AKAP6: variants seen among roughly 807,000 people sequenced by gnomAD.
AKAP6 encodes A-kinase anchor protein 6.
A neutral mutation model predicts 188.5 loss-of-function variants in AKAP6; 58 were observed. The ratio of observed to expected loss-of-function variants is 0.31; its 90% CI spans 0.25 to 0.38. AKAP6 has a LOEUF of 0.38. Among genes scored for constraint, AKAP6 ranks in the 10% least tolerant of loss-of-function variants. The pLI is 1.00. For missense variants in AKAP6, 2,710 were observed against 2,740.0 expected (o/e 0.99, Z 0.24); for synonymous variants, 989 against 998.6 (o/e 0.99, Z 0.18).
At chr14:32,492,380 A>AGG (rs1880079092) in intron 2 of AKAP6, among the ~76,000 whole-genome samples, 1 of 146,634 alleles carries the variant, frequency 6.8e-6, no homozygotes, top group Non-Finnish European at 1.5e-5. Context: ...AGAGAGAGAG[A>AGG]GAGGCATTTG....
intron 2 of AKAP6, among the ~76,000 whole-genome samples, chr14:32,487,673 A>T (rs1316639037): frequency 2.6e-5 from 4 of 152,034 alleles, no homozygotes; most frequent in Admixed American, 6.5e-5. Flanking sequence ...CCTCATCTTC[A>T]TGGATTTATC....
At chr14:32,350,811 A>T (rs1410699311) in intron 1 of AKAP6, among the ~76,000 whole-genome samples, 1 of 152,122 alleles carries the variant, frequency 6.6e-6, no homozygotes, top group African/African-American at 2.4e-5. Flanking sequence ...TTAACAGGGT[A>T]ATACAGATTT....
rs756102728 is a variant in AKAP6, at chr14:32,545,993, A to G, written c.1340A>G (p.Asn447Ser). The G allele has an allele frequency of 1.2e-6, 2 of 1,614,118 alleles. No individual in the cohort carries two copies. Among genetic ancestry groups the G allele is most frequent in the Middle Eastern group, 1.6e-4 (1 of 6,062 alleles). The part of the protein sequence containing the change: ...LCLVLQSSYP[N>S]SPSAASQSYE... ...CTGGTATTGCAGTCTTCTTACCCCA[A>G]CAGCCCTTCTGCTGCCAGCCAGTCT... Residue 447 changes from asparagine (N) to serine (S), a missense_variant, in exon 4 of 14, where the codon AAC becomes AGC. Transcript: ENST00000280979.
chr14:32,620,346 C>T (rs571437610), intron 7 of AKAP6, among the ~76,000 whole-genome samples: 1 of 152,076 alleles, frequency 6.6e-6, no homozygotes, highest in East Asian at 1.9e-4. Flanking sequence ...TCCTTCTATG[C>T]CTAGTTTGTT....
intron 2 of AKAP6, among the ~76,000 whole-genome samples, chr14:32,496,512 TAA>T (rs2138965996): frequency 1.3e-5 from 2 of 152,112 alleles, no homozygotes; most frequent in South Asian, 2.1e-4. Context: ...TATTGGATGT[TAA>T]ATTGTGCCTT....
intron 5 of AKAP6, among the ~76,000 whole-genome samples, chr14:32,581,818 C>A (rs1488756475): frequency 3.3e-5 from 5 of 151,914 alleles, no homozygotes; most frequent in African/African-American, 9.7e-5. Flanking sequence ...GATTGCAATC[C>A]CTGCCTTTTT....
chr14:32,581,761 T>C (rs1400863547), intron 5 of AKAP6, among the ~76,000 whole-genome samples: 1 of 152,204 alleles, frequency 6.6e-6, no homozygotes, highest in Non-Finnish European at 1.5e-5. Flanking sequence ...GCCTTCTTTG[T>C]CTCTTTTGAT....
intron 1 of AKAP6, among the ~76,000 whole-genome samples, chr14:32,414,144 G>A (rs1889580305): frequency 6.6e-6 from 1 of 151,926 alleles, no homozygotes; most frequent in Admixed American, 6.6e-5. Flanking sequence ...GGACTGCTGA[G>A]GTCAAAGGTT....
intron 5 of AKAP6, among the ~76,000 whole-genome samples, chr14:32,587,043 T>C (rs1594764925): frequency 6.6e-6 from 1 of 152,248 alleles, no homozygotes; most frequent in Non-Finnish European, 1.5e-5. Context: ...TATCAGAGTA[T>C]GTTATTACAT....
chr14:32,363,256 T>C lies in AKAP6; in HGVS notation c.-35+33848T>C, dbSNP rs75365880. Among the ~76,000 whole-genome samples, 508 of 152,242 alleles carry C rather than the reference T, an allele frequency of 3.3e-3. 27 individuals are homozygous for C. The East Asian group carries it at 0.093, about 28-fold the overall frequency. Reference sequence around the variant, plus strand: ...CTGTGGGAACATGGGAAAACAAGCATTTAAGTCTACCAGAGGGAGTAGAGG... The same window carrying C: ...CTGTGGGAACATGGGAAAACAAGCACTTAAGTCTACCAGAGGGAGTAGAGG... On this transcript the variant is annotated intron_variant, in intron 1 of 13. Coordinates refer to ENST00000280979, the MANE Select transcript of AKAP6 (RefSeq NM_004274.5).
chr14:32,821,404 G>A lies in AKAP6; in HGVS notation c.3591G>A (p.Glu1197=). ...RLQKKMGKES[E]TLNVIDPGLM... is the part of the protein sequence containing the mutation. The stretch of plus-strand genomic sequence containing the variant: ...TTCTTTTTCTTTCTCTCACACAGGA[G>A]ACTTTGAATGTGATTGATCCTGGCT... The change falls in exon 13 of 14, where the codon GAG becomes GAA. Residue 1197 remains glutamate, a splice_region_variant and synonymous_variant. Coordinates refer to ENST00000280979, the MANE Select transcript of AKAP6 (RefSeq NM_004274.5). 2.5e-6 allele frequency: 4 copies of A among 1,587,412 alleles called. No homozygotes were observed. Among genetic ancestry groups the A allele is most frequent in the Non-Finnish European group, 3.4e-6 (4 of 1,166,552 alleles).
chr14:32,541,183 G>C (rs768322214), intron 3 of AKAP6, among the ~76,000 whole-genome samples: 4 of 152,152 alleles, frequency 2.6e-5, no homozygotes, highest in Non-Finnish European at 4.4e-5. Context: ...GATATGGTGG[G>C]ACAGGATGGG....
In AKAP6 at chr14:32,830,342, G is replaced by T; in HGVS notation, c.*537G>T. Reference sequence around the variant, plus strand: ...GGTTGCAGCATAGAGAAGAAACACTGGTCCTTCTTTCAAAATTAAGCAACT... The same window carrying T: ...GGTTGCAGCATAGAGAAGAAACACTTGTCCTTCTTTCAAAATTAAGCAACT... On this transcript the variant is annotated 3_prime_UTR_variant, in exon 14 of 14. Transcript: ENST00000280979. The T allele has an allele frequency of 5.8e-6, 1 of 173,208 alleles. No individual in the cohort carries two copies. The highest frequency in any genetic ancestry group is 1.2e-5 in the Non-Finnish European group (1 of 82,028). The allele number at this position is 173,208 out of a possible 1,614,324, so 10.7% of individuals were successfully genotyped here.
At chr14:32,700,095 G>A (rs1398835337) in intron 9 of AKAP6, among the ~76,000 whole-genome samples, 1 of 152,142 alleles carries the variant, frequency 6.6e-6, no homozygotes, top group South Asian at 2.1e-4. Context: ...TTCTCTAAGT[G>A]TTATAGACTG....
intron 2 of AKAP6, among the ~76,000 whole-genome samples, chr14:32,509,686 A>G (rs974290582): frequency 6.6e-6 from 1 of 152,130 alleles, no homozygotes; most frequent in African/African-American, 2.4e-5. Flanking sequence ...TGCACAAGAT[A>G]GGAGGTGGCT....
intron 12 of AKAP6, among the ~76,000 whole-genome samples, chr14:32,803,513 A>C (rs1408729083): frequency 6.6e-6 from 1 of 152,324 alleles, no homozygotes; most frequent in Admixed American, 6.5e-5. Flanking sequence ...TAAAAATCCT[A>C]CTTAACTCCC....
chr14:32,413,067 C>T (rs748695757), intron 1 of AKAP6, among the ~76,000 whole-genome samples: 40 of 151,716 alleles, frequency 2.6e-4, no homozygotes, highest in Non-Finnish European at 1.0e-4. Flanking sequence ...TTTAAAAATG[C>T]CTTTCTTTTT....
At chr14:32,493,995 G>A (rs1252148763) in intron 2 of AKAP6, among the ~76,000 whole-genome samples, 1 of 152,166 alleles carries the variant, frequency 6.6e-6, no homozygotes, top group Non-Finnish European at 1.5e-5. Context: ...TGAACTGACT[G>A]TCAGGAAGTT....
At position 32,832,653 on chromosome 14, in the gene AKAP6, T is replaced by C. The variant is rs1437671084; in HGVS notation, c.*2848T>C. 1 of 152,256 alleles carries C rather than the reference T, an allele frequency of 6.6e-6. No individual in the cohort carries two copies. The highest frequency in any genetic ancestry group is 1.5e-5 in the Non-Finnish European group (1 of 68,048). The allele number at this position is 152,256 out of a possible 1,614,324, so 9.4% of individuals were successfully genotyped here. On this transcript the variant is annotated 3_prime_UTR_variant, in exon 14 of 14. Transcript: ENST00000280979. Reference sequence around the variant, plus strand: ...CACTTCCAGTGATAGTGGCTCATTGTCTGTTAAGGCAAACTGTTCCACTGT... The same window carrying C: ...CACTTCCAGTGATAGTGGCTCATTGCCTGTTAAGGCAAACTGTTCCACTGT...
Sources: gnomAD v4.1 joint callset for allele counts (sites outside exome capture counted in the v4.1 genomes callset) on GRCh38, gnomAD v4.1.1 for gene constraint, MANE v1.5 for transcripts, NCBI Gene and HGNC (gene_info 2026-07-23, HGNC 2026-07-21) for gene names.